Variants in TNRC6B observed in about 807,000 individuals in gnomAD.
TNRC6B encodes the protein trinucleotide repeat containing adaptor 6B.
Under a neutral mutation model 203.6 loss-of-function variants are expected in TNRC6B, and 52 were observed. The observed-to-expected ratio is 0.26, with a 90% CI of 0.20 to 0.32. The LOEUF is 0.32. Among genes scored for constraint, TNRC6B ranks in the 10% least tolerant of loss-of-function variants. The probability of loss-of-function intolerance (pLI) is 1.00; values close to 1 mark genes in which losing one functional copy is unlikely to be tolerated. For synonymous variants in TNRC6B, 838 were observed against 845.7 expected (o/e 0.99, Z 0.16); for missense variants, 1,923 against 2,286.2 (o/e 0.84, Z 3.24).
At chr22:40,092,804 G>A (rs1040482905) in intron 1 of TNRC6B, among the ~76,000 whole-genome samples, 2 of 152,132 alleles carry the variant, frequency 1.3e-5, no homozygotes, top group Non-Finnish European at 2.9e-5. Context: ...GGTGCAGACC[G>A]CCATGCCTGG....
rs1292227314 is a variant in TNRC6B at position 40,132,943 on chromosome 22, C to CAAAAATAAAAAATTAAA, written c.45+7086_45+7087insTAAAAAATTAAAAAAAA. 1.7e-4 allele frequency among the ~76,000 whole-genome samples: 4 copies of CAAAAATAAAAAATTAAA among 23,872 alleles called. 1 individual carries two copies. In the South Asian group the frequency reaches 9.5e-3, roughly 57 times the overall value. 15.7% of individuals were successfully genotyped at this position (23,872 alleles called of 152,430 possible). A position where few individuals can be genotyped will look rare whatever the true frequency, so the allele number is the denominator to read the frequency against. ...TGGGGGACAGAGCAAGACTCTGTCT[C>CAAAAATAAAAAATTAAA]AAAAAAAAAAAAAAAAAAAAAAAAA... On this transcript the variant is annotated intron_variant, in intron 3 of 23. Coordinates refer to the TNRC6B transcript ENST00000301923.
intron 1 of TNRC6B, among the ~76,000 whole-genome samples, chr22:40,217,958 G>A (rs1220218845): frequency 8.2e-6 from 1 of 122,322 alleles, no homozygotes; most frequent in Non-Finnish European, 1.7e-5. Flanking sequence ...GGGCGACAGA[G>A]TAAGACTCCA....
Position 40,265,756 on chromosome 22 carries a change from G to A in TNRC6B, c.1526G>A (p.Gly509Glu). Reference protein sequence around the residue: ...GNKMTSGVSQGEWKQPTGSDE... With the variant: ...GNKMTSGVSQEEWKQPTGSDE... The stretch of plus-strand genomic sequence containing the variant: ...AAAATGACATCTGGGGTCTCTCAGG[G>A]AGAATGGAAACAGCCGACTGGGTCT... Residue 509 changes from glycine (G) to glutamate (E), a missense_variant, in exon 5 of 23, where the codon GGA becomes GAA. Physicochemically the swap from Gly to Glu is moderately conservative, Grantham distance 98 (BLOSUM62 -2). Around this residue, in one of 8 missense-constraint regions of TNRC6B, gnomAD observed 614 missense variants for 587.7 expected, o/e 1.04. Coordinates refer to ENST00000454349, the MANE Select transcript of TNRC6B (RefSeq NM_001162501.2). 6.2e-7 allele frequency: 1 copy of A among 1,613,980 alleles called. No individual in the cohort carries two copies. The highest frequency in any genetic ancestry group is 8.5e-7 in the Non-Finnish European group (1 of 1,179,896).
At chr22:40,081,073 C>T (rs2068060163) in intron 1 of TNRC6B, among the ~76,000 whole-genome samples, 1 of 151,962 alleles carries the variant, frequency 6.6e-6, no homozygotes, top group Admixed American at 6.6e-5. Context: ...GTTGGCCTGG[C>T]TGGTCTTAAA....
intron 3 of TNRC6B, among the ~76,000 whole-genome samples, chr22:40,261,241 A>G (rs2070377339): frequency 6.6e-6 from 1 of 152,068 alleles, no homozygotes; most frequent in East Asian, 1.9e-4. Flanking sequence ...AGCCAAGATC[A>G]CTGCACTCCA....
upstream of TNRC6B, among the ~76,000 whole-genome samples, chr22:40,177,475 G>T (rs2069074380): frequency 6.6e-6 from 1 of 152,086 alleles, no homozygotes; most frequent in Non-Finnish European, 1.5e-5. Flanking sequence ...TACATTTTAG[G>T]AGTTTCTTAG....
chr22:40,314,189 C>T (rs1457464175), intron 19 of TNRC6B, among the ~76,000 whole-genome samples: 2 of 152,120 alleles, frequency 1.3e-5, no homozygotes, highest in Non-Finnish European at 2.9e-5. Flanking sequence ...ACTTCCCCAC[C>T]CCCAAAAGTG....
chr22:40,186,989 CT>C (rs926206614), intron 1 of TNRC6B, among the ~76,000 whole-genome samples: 40 of 152,234 alleles, frequency 2.6e-4, no homozygotes, highest in African/African-American at 9.4e-4. Context: ...AAACTTACTA[CT>C]TTTTCATGGA....
chr22:40,086,610 A>G (rs2068101618), intron 1 of TNRC6B, among the ~76,000 whole-genome samples: 1 of 152,218 alleles, frequency 6.6e-6, no homozygotes, highest in Non-Finnish European at 1.5e-5. Context: ...TGGATGCTTG[A>G]ACAATGGATG....
At position 40,265,278 on chromosome 22, in the gene TNRC6B, A is replaced by T. The variant is rs1437652514; in HGVS notation, c.1048A>T (p.Met350Leu). Reference protein sequence around the residue: ...GQTSREQQSKMENAGVNFVVS... With the variant: ...GQTSREQQSKLENAGVNFVVS... ...GACATCCAGGGAACAGCAGTCAAAG[A>T]TGGAAAATGCGGGTGTTAATTTTGT... The change falls in exon 5 of 23, where the codon ATG becomes TTG. Residue 350 changes from methionine (M) to leucine (L), a missense_variant. Met to Leu is a conservative substitution (Grantham distance 15). Around this residue, in one of 8 missense-constraint regions of TNRC6B, gnomAD observed 614 missense variants for 587.7 expected, o/e 1.04. Coordinates refer to ENST00000454349, the MANE Select transcript of TNRC6B (RefSeq NM_001162501.2). 1.9e-6 allele frequency: 3 copies of T among 1,613,918 alleles called. No homozygotes were observed. Among genetic ancestry groups the T allele is most frequent in the African/African-American group, 2.7e-5 (2 of 74,948 alleles).
intron 17 of TNRC6B, 98 bp downstream of exon 17, chr22:40,311,091 G>T (rs920324448): frequency 7.7e-6 from 10 of 1,290,740 alleles, no homozygotes; most frequent in Non-Finnish European, 8.5e-6. Context: ...TGTTACTAAG[G>T]TACTTGCTTT....
At chr22:40,202,050 T>C (rs145391695) in intron 1 of TNRC6B, among the ~76,000 whole-genome samples, 1 of 152,282 alleles carries the variant, frequency 6.6e-6, no homozygotes, top group African/African-American at 2.4e-5. Flanking sequence ...TAGGAAATAC[T>C]TTTGTCTCAA....
rs754639129 is a variant in TNRC6B, at chr22:40,122,548, A to G, written c.-46-3224A>G. 2.5e-4 allele frequency among the ~76,000 whole-genome samples: 38 copies of G among 152,220 alleles called. 1 individual carries two copies. Among genetic ancestry groups the G allele is most frequent in the Admixed American group, 1.6e-3 (25 of 15,288 alleles). On this transcript the variant is annotated intron_variant, in intron 2 of 23. Transcript: ENST00000301923. ...TGGTTTCCAGAAGGAAGGAAAAGAC[A>G]GGGCTGAGCTCCACCTACGTTGTTT... is the stretch of plus-strand genomic sequence containing the variant.
rs1003025194 is a variant in TNRC6B, at chr22:40,331,503, C to G, written c.*8262C>G. ...AAAGAGGAGAACAGTCCCTCCCACT[C>G]GATTCCTTCAGCTTCATTCAGGAAG... On this transcript the variant is annotated 3_prime_UTR_variant, in exon 23 of 23. Coordinates refer to ENST00000454349, the MANE Select transcript of TNRC6B (RefSeq NM_001162501.2). 3 of 368,520 alleles carry G rather than the reference C, an allele frequency of 8.1e-6. No homozygotes were observed. The highest frequency in any genetic ancestry group is 4.7e-5 in the Admixed American group (1 of 21,342). 22.8% of individuals were successfully genotyped at this position (368,520 alleles called of 1,614,324 possible).
chr22:40,267,012 C>A lies in TNRC6B; in HGVS notation c.2782C>A (p.Pro928Thr). The stretch of plus-strand genomic sequence containing the variant: ...ACCTCGAGAACCAAACCTGCCCACC[C>A]CAATGACCAGTAAATCGGCATCAGG... ...PAPREPNLPT[P>T]MTSKSASVWS... The change falls in exon 5 of 23, where the codon CCA (proline) becomes ACA (threonine). Residue 928 changes from proline to threonine, a missense_variant. Around this residue, in one of 8 missense-constraint regions of TNRC6B, gnomAD observed 599 missense variants for 656.5 expected, o/e 0.91. Transcript: ENST00000454349. 1 of 1,603,598 alleles carries A rather than the reference C, an allele frequency of 6.2e-7. No homozygotes were observed. The highest frequency in any genetic ancestry group is 8.5e-7 in the Non-Finnish European group (1 of 1,174,708).
intron 1 of TNRC6B, among the ~76,000 whole-genome samples, chr22:40,243,273 T>C (rs938246793): frequency 3.3e-5 from 5 of 152,226 alleles, no homozygotes; most frequent in South Asian, 2.1e-4. Flanking sequence ...TTTATTGTTA[T>C]AAATTTTTGA....
chr22:40,087,560 G>A (rs1569255821), intron 1 of TNRC6B, among the ~76,000 whole-genome samples: 1 of 152,204 alleles, frequency 6.6e-6, no homozygotes, highest in Non-Finnish European at 1.5e-5. Context: ...ACAGGGAGCT[G>A]TAAGAGTGAT....
chr22:40,130,643 C>G (rs543000382), intron 3 of TNRC6B, among the ~76,000 whole-genome samples: 3 of 150,744 alleles, frequency 2.0e-5, no homozygotes, highest in Admixed American at 6.6e-5. Context: ...AAAAATTAGC[C>G]GGGCGAGGTG....
chr22:40,226,932 CAG>C (rs1325642197), intron 1 of TNRC6B, among the ~76,000 whole-genome samples: 1 of 150,932 alleles, frequency 6.6e-6, no homozygotes, highest in Non-Finnish European at 1.5e-5. Flanking sequence ...TTTTTTGAGA[CAG>C]AGTCTTACTC....
Sources: gnomAD v4.1 joint callset for allele counts (sites outside exome capture counted in the v4.1 genomes callset) on GRCh38, gnomAD v4.1.1 for gene constraint, gnomAD v4.1.1 regional missense constraint, MANE v1.5 for transcripts, NCBI Gene and HGNC (gene_info 2026-07-23, HGNC 2026-07-21) for gene names.